DZIP3: variants seen among roughly 807,000 people sequenced by gnomAD.
DZIP3 encodes E3 ubiquitin-protein ligase DZIP3.
In DZIP3, 118 loss-of-function variants were observed where a neutral mutation model predicts 162.0. The ratio of observed to expected loss-of-function variants is 0.73; its 90% confidence interval spans 0.63 to 0.85. The LOEUF is 0.85. Among genes scored for constraint, DZIP3 ranks in the 40% least tolerant of loss-of-function variants. The pLI is 0.00. For synonymous variants in DZIP3, 438 were observed against 458.6 expected (o/e 0.96, Z 0.57); for missense variants, 1,331 against 1,407.0 (o/e 0.95, Z 0.86).
Position 108,687,964 on chromosome 3 carries a change from G to T in DZIP3, c.3150-12G>T. Reference sequence around the variant, plus strand: ...ATCATTACTGCCCTTTCCTTTCCTTGATCTCTTGCAGAAAGGAACTTACAG... The same window carrying T: ...ATCATTACTGCCCTTTCCTTTCCTTTATCTCTTGCAGAAAGGAACTTACAG... On this transcript the variant is annotated splice_polypyrimidine_tract_variant and intron_variant, in intron 28 of 32. Coordinates refer to ENST00000361582, the MANE Select transcript of DZIP3 (RefSeq NM_014648.4). The T allele has an allele frequency of 4.3e-6, 7 of 1,613,192 alleles. No homozygotes were observed. The highest frequency in any genetic ancestry group is 1.1e-5 in the South Asian group (1 of 91,044).
chr3:108,623,909 G>A (rs373494012), intron 5 of DZIP3, among the ~76,000 whole-genome samples: 2 of 152,306 alleles, frequency 1.3e-5, no homozygotes, highest in East Asian at 1.9e-4. Flanking sequence ...CTGATGTGAC[G>A]GGGCAGCACT....
At chr3:108,685,582 C>T (rs2107421293) in intron 27 of DZIP3, among the ~76,000 whole-genome samples, 1 of 152,190 alleles carries the variant, frequency 6.6e-6, no homozygotes, top group South Asian at 2.1e-4. Flanking sequence ...AAGGAACTAC[C>T]ATAAAATATG....
intron 21 of DZIP3, among the ~76,000 whole-genome samples, chr3:108,668,721 A>G (rs1417547394): frequency 6.6e-6 from 1 of 151,938 alleles, no homozygotes; most frequent in Non-Finnish European, 1.5e-5. Flanking sequence ...TCAGACCAAC[A>G]AAACATTAAC....
intron 19 of DZIP3, among the ~76,000 whole-genome samples, chr3:108,657,991 A>C (rs908408841): frequency 3.9e-5 from 6 of 152,232 alleles, no homozygotes; most frequent in African/African-American, 1.4e-4. Context: ...TTCATAAAGC[A>C]AGTCATTAAA....
At chr3:108,616,297 TAAATAAATA>T (rs1195803413) in intron 4 of DZIP3, among the ~76,000 whole-genome samples, 4 of 149,648 alleles carry the variant, frequency 2.7e-5, no homozygotes, top group Non-Finnish European at 4.4e-5. Flanking sequence ...AATAAATAAA[TAAATAAATA>T]AAATAAAATT....
At position 108,636,603 on chromosome 3, in the gene DZIP3, T is replaced by G. The variant is rs769476788; in HGVS notation, c.919-13T>G. 6.7e-7 allele frequency: 1 copy of G among 1,498,692 alleles called. No homozygotes were observed. Among genetic ancestry groups the G allele is most frequent in the South Asian group, 1.3e-5 (1 of 75,994 alleles). The allele number at this position is 1,498,692 out of a possible 1,614,324, so 92.8% of individuals were successfully genotyped here. A position where few individuals can be genotyped will look rare whatever the true frequency, so the allele number is the denominator to read the frequency against. On this transcript the variant is annotated splice_polypyrimidine_tract_variant and intron_variant, in intron 10 of 32. Transcript: ENST00000361582. The stretch of plus-strand genomic sequence containing the variant: ...TTTTTTCTATTTTTATTTTTTTCTA[T>G]TAATAAATTTAGAGTTTTAGTGGGA...
chr3:108,656,916 G>C (rs2107265231), intron 19 of DZIP3, among the ~76,000 whole-genome samples: 1 of 152,088 alleles, frequency 6.6e-6, no homozygotes, highest in South Asian at 2.1e-4. Flanking sequence ...TGAATGAAAT[G>C]AAGTGAGAAG....
In DZIP3 at chr3:108,688,877, C is replaced by G; in HGVS notation, c.3469C>G (p.Pro1157Ala). The G allele has an allele frequency of 6.2e-7, 1 of 1,614,164 alleles. No individual in the cohort carries two copies. The highest frequency in any genetic ancestry group is 1.1e-5 in the South Asian group (1 of 91,082). ...PCVICHENLS[P>A]ENLSVLPCAH... ...TGTGATCTGTCATGAGAATCTGTCT[C>G]CAGAAAATCTTTCAGTTTTGCCTTG... Residue 1157 changes from proline (P) to alanine (A), a missense_variant, in exon 31 of 33, where the codon CCA becomes GCA. Physicochemically the swap from Pro to Ala is conservative, Grantham distance 27. Around this residue, in one of 2 missense-constraint regions of DZIP3, gnomAD observed 53 missense variants for 89.9 expected, o/e 0.59. Coordinates refer to ENST00000361582, the MANE Select transcript of DZIP3 (RefSeq NM_014648.4).
At chr3:108,631,055 A>ACACACTCTCTCTCTCTCTCTCTCTCTCT in intron 8 of DZIP3, among the ~76,000 whole-genome samples, 2 of 18,014 alleles carry the variant, frequency 1.1e-4, no homozygotes, top group African/African-American at 5.6e-4. Context: ...ACACACACAC[A>ACACACTCTCTCTCTCTCTCTCTCTCTCT]CTCTCTCTCT....
chr3:108,599,635 TC>T (rs1460928088), intron 1 of DZIP3, among the ~76,000 whole-genome samples: 1 of 152,072 alleles, frequency 6.6e-6, no homozygotes, highest in Non-Finnish European at 1.5e-5. Context: ...AATGTTTGTG[TC>T]CCCCCTCATT....
chr3:108,656,562 C>T (rs1427674250), intron 19 of DZIP3, among the ~76,000 whole-genome samples: 4 of 152,068 alleles, frequency 2.6e-5, no homozygotes, highest in Non-Finnish European at 4.4e-5. Context: ...AGCAGAAAAA[C>T]TGAAAATTCT....
intron 19 of DZIP3, among the ~76,000 whole-genome samples, chr3:108,658,475 G>C (rs1415090770): frequency 2.6e-5 from 4 of 151,178 alleles, no homozygotes; most frequent in Non-Finnish European, 3.0e-5. Flanking sequence ...AGAATCTCTG[G>C]GACACATTCA....
At chr3:108,656,204 G>T (rs752477792) in intron 19 of DZIP3, among the ~76,000 whole-genome samples, 1 of 152,198 alleles carries the variant, frequency 6.6e-6, no homozygotes, top group Non-Finnish European at 1.5e-5. Context: ...TCCTCAAGTG[G>T]ATCCCTGAAC....
chr3:108,603,329 C>G (rs527430272), intron 1 of DZIP3: 144 of 152,056 alleles, frequency 9.5e-4, no homozygotes, highest in African/African-American at 3.1e-3. Context: ...GTTCTAAAAT[C>G]CTCAGTTATG....
Position 108,652,024 on chromosome 3 carries a change from T to C in DZIP3, c.2033+862T>C, listed in dbSNP as rs951119905. Among the ~76,000 whole-genome samples, 3 of 151,268 alleles carry C rather than the reference T, an allele frequency of 2.0e-5. No homozygotes were observed. The East Asian group carries it at 5.8e-4, about 29-fold the overall frequency. On this transcript the variant is annotated intron_variant, in intron 18 of 32. Transcript: ENST00000361582. ...TGTTTTCACTTTCTTTGGCAACAAG[T>C]TGAGCCACTGGAGCAATAGTTTTGT...
intron 10 of DZIP3, 146 bp downstream of exon 10, chr3:108,635,118 T>C (rs942661628): frequency 5.7e-6 from 3 of 526,040 alleles, no homozygotes; most frequent in Non-Finnish European, 1.0e-5. Flanking sequence ...ACTTCCTTCT[T>C]TGTTCTTTCC....
chr3:108,623,914 A>G (rs978936586), intron 5 of DZIP3, among the ~76,000 whole-genome samples: 2 of 152,192 alleles, frequency 1.3e-5, no homozygotes, highest in African/African-American at 4.8e-5. Flanking sequence ...GTGACGGGGC[A>G]GCACTGAGTT....
In DZIP3 at chr3:108,686,557, T is replaced by C. The variant is rs990431971; in HGVS notation, c.3122T>C (p.Leu1041Pro). 1 of 1,610,388 alleles carries C rather than the reference T, an allele frequency of 6.2e-7. No individual in the cohort carries two copies. Residue 1041 changes from leucine to proline, a missense_variant, in exon 28 of 33, where the codon CTG (leucine) becomes CCG (proline). Leu to Pro is a moderately conservative substitution (Grantham distance 98, BLOSUM62 -3). Coordinates refer to ENST00000361582, the MANE Select transcript of DZIP3 (RefSeq NM_014648.4). Reference sequence around the variant, plus strand: ...AATTGGGAGAGAATTACAGACAGGCTGAAAACTGCCTTTCCACAGCAAACC... The same window carrying C: ...AATTGGGAGAGAATTACAGACAGGCCGAAAACTGCCTTTCCACAGCAAACC... ...IMNWERITDR[L>P]KTAFPQQTRK... is the part of the protein sequence containing the mutation.
upstream of DZIP3, chr3:108,589,537 C>G (rs563319101): frequency 3.9e-5 from 20 of 518,552 alleles, no homozygotes; most frequent in South Asian, 3.5e-4. Context: ...GGGGACCGTT[C>G]TCGGTGACGG....
Sources: allele counts gnomAD v4.1 joint callset (sites outside exome capture counted in the v4.1 genomes callset), GRCh38; gene constraint gnomAD v4.1.1; regional missense constraint gnomAD v4.1.1; transcripts MANE v1.5; gene names NCBI Gene and HGNC (gene_info 2026-07-23, HGNC 2026-07-21).